Variants in TANK observed in about 807,000 individuals in gnomAD.
TANK encodes TRAF family member-associated NF-kappa-B activator.
Under a neutral mutation model 43.6 loss-of-function variants are expected in TANK, and 15 were observed. The observed-to-expected ratio is 0.34, with a 90% CI of 0.23 to 0.53. The LOEUF (loss-of-function observed/expected upper bound fraction) is 0.53. TANK is among the 20% of genes least tolerant of loss of function. The pLI is 0.94. For missense variants in TANK, 417 were observed against 498.6 expected, an observed-to-expected ratio of 0.84 and a Z score of 1.56; for synonymous variants, 162 against 178.2, an observed-to-expected ratio of 0.91 and a Z score of 0.73.
At chr2:161,171,798 A>G (rs1392041299) in intron 1 of TANK, among the ~76,000 whole-genome samples, 1 of 152,158 alleles carries the variant, frequency 6.6e-6, no homozygotes, top group Admixed American at 6.5e-5. Flanking sequence ...GATTTTAACT[A>G]CTTCTCTTTC....
chr2:161,152,213 A>C (rs1365707831), intron 1 of TANK, among the ~76,000 whole-genome samples: 5 of 152,138 alleles, frequency 3.3e-5, no homozygotes, highest in Non-Finnish European at 5.9e-5. Flanking sequence ...TCCTAGCTTT[A>C]ATATATTTAC....
chr2:161,175,092 A>G (rs1024433478), intron 1 of TANK, among the ~76,000 whole-genome samples: 1 of 152,132 alleles, frequency 6.6e-6, no homozygotes, highest in Non-Finnish European at 1.5e-5. Context: ...AGCCTTTTGG[A>G]TATCTTAGGA....
chr2:161,173,035 A>G (rs1685021217), intron 1 of TANK, among the ~76,000 whole-genome samples: 1 of 152,110 alleles, frequency 6.6e-6, no homozygotes, highest in Non-Finnish European at 1.5e-5. Context: ...TTGTGTCAAC[A>G]TGTTAAAGTC....
chr2:161,160,326 C>T (rs1684350743), upstream of TANK: 1 of 825,938 alleles, frequency 1.2e-6, no homozygotes, highest in Non-Finnish European at 1.6e-6. Context: ...TGGGGCAGGG[C>T]GGAAGGGCCC....
intron 3 of TANK, 129 bp downstream of exon 3, chr2:161,203,724 A>G (rs1686521054): frequency 1.7e-6 from 1 of 595,806 alleles, no homozygotes; most frequent in African/African-American, 1.9e-5. Flanking sequence ...TGGTACAGTT[A>G]TATGTTATGT....
intron 4 of TANK, among the ~76,000 whole-genome samples, chr2:161,208,707 C>G (rs1030801790): frequency 2.6e-5 from 4 of 152,154 alleles, no homozygotes; most frequent in Admixed American, 2.6e-4. Flanking sequence ...ATGAGTCACT[C>G]ACATGACTGT....
intron 1 of TANK, among the ~76,000 whole-genome samples, chr2:161,148,730 G>A (rs1199739597): frequency 2.0e-5 from 3 of 152,164 alleles, no homozygotes; most frequent in South Asian, 4.1e-4. Context: ...TCTTTCTTTT[G>A]CATGTGGTTA....
intron 2 of TANK, among the ~76,000 whole-genome samples, chr2:161,184,478 A>G (rs1339533935): frequency 6.6e-6 from 1 of 152,220 alleles, no homozygotes; most frequent in Non-Finnish European, 1.5e-5. Context: ...CTATTAATAT[A>G]CATACTAAAT....
At chr2:161,176,321 G>C (rs1453363699) in intron 1 of TANK, among the ~76,000 whole-genome samples, 1 of 152,136 alleles carries the variant, frequency 6.6e-6, no homozygotes, top group African/African-American at 2.4e-5. Context: ...TCTCTGGTCA[G>C]TGTTGCTGAT....
chr2:161,219,531 A>G (rs533831479), intron 4 of TANK, among the ~76,000 whole-genome samples: 1 of 152,198 alleles, frequency 6.6e-6, no homozygotes, highest in South Asian at 2.1e-4. Context: ...AGAACCATAG[A>G]TTTTATATGG....
intron 2 of TANK, among the ~76,000 whole-genome samples, chr2:161,196,950 C>T (rs942699789): frequency 6.6e-6 from 1 of 152,152 alleles, no homozygotes; most frequent in Non-Finnish European, 1.5e-5. Flanking sequence ...ATGAAATTAT[C>T]ACATGATGAT....
intron 1 of TANK, among the ~76,000 whole-genome samples, chr2:161,174,056 T>C (rs1217439962): frequency 6.6e-6 from 1 of 151,782 alleles, no homozygotes; most frequent in Non-Finnish European, 1.5e-5. Flanking sequence ...AAGGAGAGAA[T>C]AGATATTGAG....
At chr2:161,213,506 G>A (rs922444791) in intron 4 of TANK, among the ~76,000 whole-genome samples, 6 of 151,776 alleles carry the variant, frequency 4.0e-5, no homozygotes, top group African/African-American at 1.5e-4. Context: ...TGGAGGCTGA[G>A]GCAGGAGAAT....
intron 4 of TANK, among the ~76,000 whole-genome samples, chr2:161,205,756 G>C (rs1686623715): frequency 6.6e-6 from 1 of 152,026 alleles, no homozygotes; most frequent in African/African-American, 2.4e-5. Flanking sequence ...ATGATAAAAT[G>C]GGAATACTTT....
At chr2:161,151,673 C>A (rs1249171270) in intron 1 of TANK, among the ~76,000 whole-genome samples, 1 of 152,034 alleles carries the variant, frequency 6.6e-6, no homozygotes, top group Non-Finnish European at 1.5e-5. Flanking sequence ...AAATTAAGTC[C>A]TTTGCAGATA....
intron 2 of TANK, among the ~76,000 whole-genome samples, chr2:161,181,871 T>C (rs1484830168): frequency 6.6e-6 from 1 of 152,138 alleles, no homozygotes; most frequent in Non-Finnish European, 1.5e-5. Context: ...GTTAAATTAC[T>C]TCTGCACAGG....
intron 1 of TANK, chr2:161,160,797 GGGGT>G (rs1176461686): frequency 3.6e-6 from 2 of 549,502 alleles, no homozygotes; most frequent in Non-Finnish European, 7.2e-6. Context: ...CCGGGAAATG[GGGGT>G]GGAAGGGCCT....
intron 2 of TANK, among the ~76,000 whole-genome samples, chr2:161,185,853 A>G (rs1558982305): frequency 6.6e-6 from 1 of 152,124 alleles, no homozygotes; most frequent in Admixed American, 6.6e-5. Flanking sequence ...CCTAAAACTT[A>G]AAGTATAATA....
intron 1 of TANK, among the ~76,000 whole-genome samples, chr2:161,149,522 T>A (rs1684012767): frequency 6.6e-6 from 1 of 152,188 alleles, no homozygotes; most frequent in Non-Finnish European, 1.5e-5. Context: ...CTGGACAGTG[T>A]TAAATAGCAG....
Sources: gnomAD v4.1 joint callset for allele counts (sites outside exome capture counted in the v4.1 genomes callset) on GRCh38, gnomAD v4.1.1 for gene constraint, MANE v1.5 for transcripts, NCBI Gene and HGNC (gene_info 2026-07-23, HGNC 2026-07-21) for gene names.